Variants in TBL1X observed in about 807,000 individuals in gnomAD.
TBL1X encodes the protein transducin beta like 1 X-linked.
Under a neutral mutation model 50.7 loss-of-function variants are expected in TBL1X, and 10 were observed. The ratio of observed to expected loss-of-function variants is 0.20; its 90% CI spans 0.12 to 0.33. The LOEUF (loss-of-function observed/expected upper bound fraction) is 0.33, where lower values mean the gene tolerates loss of function less well. Ranked by LOEUF, TBL1X falls within the 10% of genes least tolerant of loss-of-function variation. The pLI is 1.00. For synonymous variants in TBL1X, 190 were observed against 214.7 expected, an observed-to-expected ratio of 0.88 and a Z score of 1.01; for missense variants, 340 against 504.4, an observed-to-expected ratio of 0.67 and a Z score of 3.12.
chrX:9,665,538 T>TATATATATATATAA (rs2082925696), intron 5 of TBL1X, among the ~76,000 whole-genome samples: 1 of 64,078 alleles, frequency 1.6e-5, no homozygotes, highest in Non-Finnish European at 2.8e-5. Flanking sequence ...TATATATATA[T>TATATATATATATAA]AAAAGGCCTT....
intron 2 of TBL1X, among the ~76,000 whole-genome samples, chrX:9,609,549 C>T (rs1380505829): frequency 9.0e-6 from 1 of 111,248 alleles, no homozygotes; most frequent in Non-Finnish European, 1.9e-5. Context: ...TCATGAAGTA[C>T]ATGTTCCATC....
At chrX:9,471,435 T>C (rs1051522350) in intron 1 of TBL1X, among the ~76,000 whole-genome samples, 22 of 112,250 alleles carry the variant, frequency 2.0e-4, no homozygotes, top group Admixed American at 1.8e-3. Context: ...AGATGGACCC[T>C]GCTTCAAGGT....
At position 9,653,949 on chromosome X, in the gene TBL1X, A is replaced by G. The variant is rs1032927831; in HGVS notation, c.103+260A>G. Among the ~76,000 whole-genome samples, 16 of 111,681 alleles carry G rather than the reference A, an allele frequency of 1.4e-4. 1 individual carries two copies. Among genetic ancestry groups the G allele is most frequent in the African/African-American group, 5.2e-4 (16 of 30,693 alleles). On this transcript the variant is annotated intron_variant, in intron 4 of 17. Coordinates refer to ENST00000645353, the MANE Select transcript of TBL1X (RefSeq NM_005647.4). Reference sequence around the variant, plus strand: ...CTCTGTTGCCCCTGCTTCTGGCTTCATTCATGTGGTTTTTGCTCAATTCTT... The same window carrying G: ...CTCTGTTGCCCCTGCTTCTGGCTTCGTTCATGTGGTTTTTGCTCAATTCTT...
chrX:9,711,869 G>A (rs760881474), intron 16 of TBL1X, 93 bp downstream of exon 16: 30 of 999,088 alleles, frequency 3.0e-5, no homozygotes, highest in East Asian at 2.1e-4. Flanking sequence ...GTGCCCCGGA[G>A]GGAGTTGAGC....
chrX:9,501,153 T>C (rs773140979), intron 1 of TBL1X, among the ~76,000 whole-genome samples: 1 of 111,916 alleles, frequency 8.9e-6, no homozygotes, highest in East Asian at 2.8e-4. Flanking sequence ...CCTCATAGCA[T>C]AAGGGTCAAG....
At chrX:9,546,605 A>G (rs1248482171) in intron 2 of TBL1X, among the ~76,000 whole-genome samples, 2 of 111,531 alleles carry the variant, frequency 1.8e-5, no homozygotes, top group Non-Finnish European at 3.8e-5. Flanking sequence ...TTGCACTACA[A>G]CAGCAGAATT....
chrX:9,637,469 C>G (rs1023108986), intron 2 of TBL1X: 8 of 112,125 alleles, frequency 7.1e-5, no homozygotes, highest in African/African-American at 2.3e-4. Flanking sequence ...GTACATCTTT[C>G]ATTCATTAAG....
At chrX:9,467,748 G>A (rs73483650) in intron 1 of TBL1X, among the ~76,000 whole-genome samples, 1,661 of 111,196 alleles carry the variant, frequency 0.015, 34 homozygotes, top group African/African-American at 0.053. Context: ...TGTGGGGCTC[G>A]ACCACATGGA....
chrX:9,600,332 C>T (rs1025177115), intron 2 of TBL1X, among the ~76,000 whole-genome samples: 6 of 108,110 alleles, frequency 5.5e-5, no homozygotes, highest in Admixed American at 3.0e-4. Flanking sequence ...GGGGTGAGAG[C>T]GCTCTCTGGG....
At chrX:9,686,510 C>T (rs1368025639) in intron 6 of TBL1X, among the ~76,000 whole-genome samples, 2 of 111,841 alleles carry the variant, frequency 1.8e-5, no homozygotes, top group Non-Finnish European at 3.8e-5. Flanking sequence ...CCAGCCTGGC[C>T]AATATAATGA....
chrX:9,517,916 G>A (rs1000267387), intron 2 of TBL1X, among the ~76,000 whole-genome samples: 2 of 111,012 alleles, frequency 1.8e-5, no homozygotes, highest in African/African-American at 6.6e-5. Flanking sequence ...GACCAGCCTA[G>A]GCAACATAGC....
intron 17 of TBL1X, among the ~76,000 whole-genome samples, chrX:9,715,363 T>G (rs928930268): frequency 2.3e-4 from 26 of 111,752 alleles, no homozygotes; most frequent in Admixed American, 7.6e-4. Context: ...CACTTTTATC[T>G]TTGTCTGAAC....
intron 1 of TBL1X, among the ~76,000 whole-genome samples, chrX:9,499,270 C>T (rs1017907445): frequency 1.1e-4 from 12 of 111,904 alleles, no homozygotes; most frequent in African/African-American, 3.6e-4. Context: ...AGATGTCTGT[C>T]ACCACCCCTG....
At chrX:9,684,598 T>TAAAAAAAAAAAAAAA (rs3043994) in intron 6 of TBL1X, among the ~76,000 whole-genome samples, 8 of 51,265 alleles carry the variant, frequency 1.6e-4, no homozygotes, top group East Asian at 1.1e-3. Flanking sequence ...TCTCTAAAAT[T>TAAAAAAAAAAAAAAA]AAAAAAAAAA....
At chrX:9,490,470 C>T (rs770698974) in intron 1 of TBL1X, among the ~76,000 whole-genome samples, 67 of 112,199 alleles carry the variant, frequency 6.0e-4, no homozygotes, top group Non-Finnish European at 4.9e-4. Flanking sequence ...GTGCACAGGA[C>T]AGCCCCCCTC....
At chrX:9,674,716 G>GT (rs1217682126) in intron 5 of TBL1X, among the ~76,000 whole-genome samples, 6 of 67,339 alleles carry the variant, frequency 8.9e-5, no homozygotes, top group African/African-American at 3.7e-4. Flanking sequence ...GTAGCTGTGA[G>GT]TGCAGGCACG....
intron 2 of TBL1X, among the ~76,000 whole-genome samples, chrX:9,612,400 T>C (rs1021325750): frequency 7.2e-5 from 8 of 111,396 alleles, no homozygotes; most frequent in Non-Finnish European, 1.1e-4. Flanking sequence ...TTGAGAGCCA[T>C]ACATGGAATT....
chrX:9,696,071 A>T (rs1187083062), intron 11 of TBL1X, among the ~76,000 whole-genome samples: 3 of 112,667 alleles, frequency 2.7e-5, no homozygotes, highest in Non-Finnish European at 5.6e-5. Flanking sequence ...TGACTAAAAT[A>T]TATGTCACAT....
chrX:9,537,400 T>G (rs915767373), intron 2 of TBL1X, among the ~76,000 whole-genome samples: 1 of 110,680 alleles, frequency 9.0e-6, no homozygotes, highest in East Asian at 2.8e-4. Flanking sequence ...ATTCATTACA[T>G]TGTGCAATCC....
Sources: allele counts gnomAD v4.1 joint callset (sites outside exome capture counted in the v4.1 genomes callset), GRCh38; gene constraint gnomAD v4.1.1; transcripts MANE v1.5; gene names NCBI Gene and HGNC (gene_info 2026-07-23, HGNC 2026-07-21).